PCDHGA2: variants seen among roughly 807,000 people sequenced by gnomAD.
PCDHGA2 encodes the protein protocadherin gamma-A2.
PCDHGA2 carries 40 observed loss-of-function variants against 59.2 expected under a neutral mutation model. The observed-to-expected ratio is 0.68, with a 90% CI of 0.52 to 0.88. The LOEUF (loss-of-function observed/expected upper bound fraction) is 0.88, where lower values mean the gene tolerates loss of function less well. Among genes scored for constraint, PCDHGA2 ranks in the 40% least tolerant of loss-of-function variants. The probability of loss-of-function intolerance (pLI) is 0.00; values close to 1 mark genes in which losing one functional copy is unlikely to be tolerated. For synonymous variants in PCDHGA2, 560 were observed against 526.0 expected, an observed-to-expected ratio of 1.06 and a Z score of -0.89; for missense variants, 1,226 against 1,204.0, an observed-to-expected ratio of 1.02 and a Z score of -0.27.
At chr5:141,352,235 A>T in intron 1 of PCDHGA2, 1 of 1,614,032 alleles carries the variant, frequency 6.2e-7, no homozygotes, top group Non-Finnish European at 8.5e-7. Flanking sequence ...GCTGCACCTA[A>T]TCTTCGCGGA....
rs978782104 is a variant in PCDHGA2 at position 141,431,445 on chromosome 5, G to C, written c.2425-63362G>C. 1 of 1,613,742 alleles carries C rather than the reference G, an allele frequency of 6.2e-7. No homozygotes were observed. On this transcript the variant is annotated intron_variant, in intron 1 of 3. Transcript: ENST00000394576. This position sits in a 1 kb window ranked among gnomAD's most constrained non-coding sequence, Gnocchi z 4.8. ...GTGCGCACAGGCACCGCGCGCATCC[G>C]CGTGATGGTTCTGGATGCGAACGAC...
In PCDHGA2 at chr5:141,340,502, A is replaced by G; in HGVS notation, c.1531A>G (p.Thr511Ala). The change falls in exon 1 of 4, where the codon ACT becomes GCT. Residue 511 changes from threonine to alanine, a missense_variant. Physicochemically the swap from Thr to Ala is moderately conservative, Grantham distance 58. Coordinates refer to ENST00000394576, the MANE Select transcript of PCDHGA2 (RefSeq NM_018915.4). ...LSSYISINSD[T>A]GVLYALRSFD... is the part of the protein sequence containing the mutation. ...CTCTTACATCTCTATCAACTCCGAC[A>G]CTGGAGTACTCTATGCACTGCGCTC... is the stretch of plus-strand genomic sequence containing the variant. The G allele has an allele frequency of 1.2e-6, 2 of 1,614,166 alleles. No homozygotes were observed. The highest frequency in any genetic ancestry group is 1.7e-6 in the Non-Finnish European group (2 of 1,180,024).
chr5:141,483,620 A>G (rs192148102), intron 1 of PCDHGA2, among the ~76,000 whole-genome samples: 472 of 151,650 alleles, frequency 3.1e-3, no homozygotes, highest in Non-Finnish European at 5.0e-3. Context: ...CATCATTCCC[A>G]TGGGAGAAGG....
intron 1 of PCDHGA2, chr5:141,351,339 C>G: frequency 1.9e-6 from 3 of 1,613,532 alleles, no homozygotes; most frequent in Non-Finnish European, 2.5e-6. Context: ...GACCTTGGAA[C>G]TGTAATAGCC....
chr5:141,353,305 GTATT>G (rs1179034310), intron 1 of PCDHGA2, among the ~76,000 whole-genome samples: 1 of 152,084 alleles, frequency 6.6e-6, no homozygotes, highest in Admixed American at 6.5e-5. Context: ...CTTTATAAAT[GTATT>G]TAGAGTTCTT....
intron 1 of PCDHGA2, chr5:141,428,113 T>A: frequency 6.2e-7 from 1 of 1,607,492 alleles, no homozygotes; most frequent in Non-Finnish European, 8.5e-7. Flanking sequence ...CTGCAGGCCA[T>A]CGAGCCCGGG....
At chr5:141,421,222 C>T in intron 1 of PCDHGA2, 1 of 1,576,946 alleles carries the variant, frequency 6.3e-7, no homozygotes, top group Non-Finnish European at 8.6e-7. Flanking sequence ...CGGCTTAGAG[C>T]CTGCCATGGC....
rs1280175877 is a variant in PCDHGA2, at chr5:141,340,168, C to A, written c.1197C>A (p.Asp399Glu). 6.2e-7 allele frequency: 1 copy of A among 1,614,134 alleles called. No individual in the cohort carries two copies. Among genetic ancestry groups the A allele is most frequent in the South Asian group, 1.1e-5 (1 of 91,090 alleles). Reference sequence around the variant, plus strand: ...CTTTTAAGTTAGAAAAGTCAGTAGACAATTACTACCGACTGGTTACAACCA... The same window carrying A: ...CTTTTAAGTTAGAAAAGTCAGTAGAAAATTACTACCGACTGGTTACAACCA... ...DLPFKLEKSV[D>E]NYYRLVTTRA... Residue 399 changes from aspartate (D) to glutamate (E), a missense_variant, in exon 1 of 4, where the codon GAC becomes GAA. By Grantham distance (45) the Asp-to-Glu change is conservative. Coordinates refer to ENST00000394576, the MANE Select transcript of PCDHGA2 (RefSeq NM_018915.4).
chr5:141,414,180 A>G, intron 1 of PCDHGA2: 2 of 1,608,986 alleles, frequency 1.2e-6, no homozygotes, highest in Middle Eastern at 1.7e-4. Context: ...TTGCAACTGC[A>G]AAAGTGTTGA....
intron 1 of PCDHGA2, chr5:141,346,052 C>G: frequency 6.2e-7 from 1 of 1,613,460 alleles, no homozygotes; most frequent in South Asian, 1.1e-5. Flanking sequence ...ACATCCTGGC[C>G]GACCTGGGCA....
intron 1 of PCDHGA2, chr5:141,478,139 G>A: frequency 6.2e-7 from 1 of 1,614,040 alleles, no homozygotes; most frequent in Non-Finnish European, 8.5e-7. Context: ...TGAAGCCCGA[G>A]CCGAGTTCCC....
At chr5:141,414,899 G>T (rs756810046) in intron 1 of PCDHGA2, 1 of 1,614,182 alleles carries the variant, frequency 6.2e-7, no homozygotes, top group Non-Finnish European at 8.5e-7. Context: ...CCCACAGACG[G>T]TTCCACAGGC....
intron 1 of PCDHGA2, chr5:141,371,857 C>G (rs1768115675): frequency 6.2e-7 from 1 of 1,613,484 alleles, no homozygotes; most frequent in Admixed American, 1.7e-5. Flanking sequence ...GGCCTTGTCT[C>G]CTACTACATC....
At chr5:141,371,656 C>T (rs772257649) in intron 1 of PCDHGA2, 6 of 1,613,886 alleles carry the variant, frequency 3.7e-6, no homozygotes, top group African/African-American at 1.3e-5. Context: ...TACAATGTGA[C>T]GATCACAGCT....
rs2097549501 is a variant in PCDHGA2 at position 141,432,920 on chromosome 5, A to T, written c.2425-61887A>T. ...GGCGCTCAGGCTGCGGCGCTGGCAC[A>T]AGTCACGCCTGCTGCAGGCTTCAGG... On this transcript the variant is annotated intron_variant, in intron 1 of 3. Transcript: ENST00000394576. The surrounding 1 kb of genome is among the most constrained non-coding windows in gnomAD (Gnocchi z 6.0). 1 of 1,614,022 alleles carries T rather than the reference A, an allele frequency of 6.2e-7. No homozygotes were observed.
intron 1 of PCDHGA2, among the ~76,000 whole-genome samples, chr5:141,450,682 T>C (rs112841569): frequency 0.042 from 6,384 of 151,996 alleles, 168 homozygotes; most frequent in Middle Eastern, 0.086. Context: ...AAACGGGGTT[T>C]TGCCATGTTG....
chr5:141,372,030 G>T, intron 1 of PCDHGA2: 2 of 1,613,446 alleles, frequency 1.2e-6, no homozygotes, highest in Non-Finnish European at 1.7e-6. Flanking sequence ...CAGCGCCAAC[G>T]TGAGCCTGCG....
chr5:141,502,667 T>G (rs2099815574), intron 2 of PCDHGA2, among the ~76,000 whole-genome samples: 1 of 152,236 alleles, frequency 6.6e-6, no homozygotes. Context: ...TTCATGCAAT[T>G]TTAGTATTCC....
At chr5:141,353,929 T>C (rs575617403) in intron 1 of PCDHGA2, among the ~76,000 whole-genome samples, 12 of 152,396 alleles carry the variant, frequency 7.9e-5, no homozygotes, top group African/African-American at 2.9e-4. Context: ...GAGTCATTTC[T>C]ACTGCTAATT....
Sources: allele counts gnomAD v4.1 joint callset (sites outside exome capture counted in the v4.1 genomes callset), GRCh38; gene constraint gnomAD v4.1.1; non-coding constraint Gnocchi (gnomAD v3.1); transcripts MANE v1.5; gene names NCBI Gene and HGNC (gene_info 2026-07-23, HGNC 2026-07-21).